The following TOLLIP variants were observed in gnomAD, a reference collection of about 807,000 sequenced individuals.
TOLLIP encodes the protein toll interacting protein.
Under a neutral mutation model 33.5 loss-of-function variants are expected in TOLLIP, and 16 were observed. That is an observed-to-expected ratio of 0.48 (90% confidence interval 0.32 to 0.72). The LOEUF is 0.72. Ranked by LOEUF, TOLLIP falls within the 30% of genes least tolerant of loss-of-function variation. The pLI, the probability that TOLLIP is intolerant of heterozygous loss-of-function variation, is 0.03. For missense variants in TOLLIP, 325 were observed against 396.6 expected, an observed-to-expected ratio of 0.82 and a Z score of 1.53; for synonymous variants, 176 against 163.7, an observed-to-expected ratio of 1.07 and a Z score of -0.57.
rs1192036130 is a variant in TOLLIP, at chr11:1,309,569, G to A, written c.-71C>T. 6.6e-6 allele frequency: 6 copies of A among 909,036 alleles called. No individual in the cohort carries two copies. Among genetic ancestry groups the A allele is most frequent in the African/African-American group, 5.3e-5 (3 of 56,568 alleles). The allele number at this position is 909,036 out of a possible 1,614,324, so 56.3% of individuals were successfully genotyped here. A position where few individuals can be genotyped will look rare whatever the true frequency, so the allele number is the denominator to read the frequency against. ...CCGGGCGACCTCCTGCGCCCCCGCC[G>A]GAGCCTGCGACGGAGACAGTTGTCA... On this transcript the variant is annotated 5_prime_UTR_variant, in exon 1 of 6. Transcript: ENST00000317204.
At chr11:1,302,825 CA>C in intron 1 of TOLLIP, 1 of 982,672 alleles carries the variant, frequency 1.0e-6, no homozygotes, top group Non-Finnish European at 1.2e-6. Flanking sequence ...CCAGTTCCCA[CA>C]TCCTCCTCCC....
chr11:1,281,841 T>C (rs1273104562), intron 5 of TOLLIP, among the ~76,000 whole-genome samples: 1 of 152,256 alleles, frequency 6.6e-6, no homozygotes, highest in Non-Finnish European at 1.5e-5. Flanking sequence ...GAGATTCCAC[T>C]TCTGAGAAGA....
Position 1,274,611 on chromosome 11 carries a change from T to C in TOLLIP, c.*2428A>G, listed in dbSNP as rs759537645. 1 of 152,210 alleles carries C rather than the reference T, an allele frequency of 6.6e-6. No individual in the cohort carries two copies. The highest frequency in any genetic ancestry group is 1.9e-4 in the East Asian group (1 of 5,182). 9.4% of individuals were successfully genotyped at this position (152,210 alleles called of 1,614,324 possible). A position where few individuals can be genotyped will look rare whatever the true frequency, so the allele number is the denominator to read the frequency against. Reference sequence around the variant, plus strand: ...GGGGAGCCTCCGGCGACCTGTCTTCTATCTCCGGAGCCCCGCCTGAGGCTC... The same window carrying C: ...GGGGAGCCTCCGGCGACCTGTCTTCCATCTCCGGAGCCCCGCCTGAGGCTC... On this transcript the variant is annotated 3_prime_UTR_variant, in exon 6 of 6. Transcript: ENST00000317204.
chr11:1,279,633 C>G (rs1021919970), intron 5 of TOLLIP, among the ~76,000 whole-genome samples: 2 of 152,256 alleles, frequency 1.3e-5, no homozygotes, highest in Non-Finnish European at 2.9e-5. Flanking sequence ...CACCTGCACG[C>G]ACGCGGACGG....
At chr11:1,296,448 C>T (rs2133918260) in intron 1 of TOLLIP, among the ~76,000 whole-genome samples, 1 of 152,378 alleles carries the variant, frequency 6.6e-6, no homozygotes, top group East Asian at 1.9e-4. Flanking sequence ...CCGAAACCAC[C>T]CGCACACCTG....
chr11:1,290,717 A>T lies in TOLLIP; in HGVS notation c.184-308T>A, dbSNP rs950995386. ...CCCACCATGAAGGGCGCACTCTCTA[A>T]TGCCCTCCTCAGAAGTGGCTGAGGA... On this transcript the variant is annotated intron_variant, in intron 2 of 5. Transcript: ENST00000317204. This position sits in a 1 kb window ranked among gnomAD's most constrained non-coding sequence, Gnocchi z 4.9. Among the ~76,000 whole-genome samples, 1 of 152,146 alleles carries T rather than the reference A, an allele frequency of 6.6e-6. No homozygotes were observed.
At chr11:1,285,924 C>G in intron 5 of TOLLIP, 78 bp downstream of exon 5, 1 of 1,188,754 alleles carries the variant, frequency 8.4e-7, no homozygotes, top group Non-Finnish European at 1.2e-6. Flanking sequence ...CTCTAAGCCC[C>G]GTTCCCTCCT....
chr11:1,290,209 C>G lies in TOLLIP; in HGVS notation c.366+18G>C. 2 of 1,608,720 alleles carry G rather than the reference C, an allele frequency of 1.2e-6. No individual in the cohort carries two copies. Among genetic ancestry groups the G allele is most frequent in the East Asian group, 2.2e-5 (1 of 44,756 alleles). ...CAGCCACGTGCAGCCTCCATAATAG[C>G]TGGCACGTCCCTCTCACCTCATCGA... On this transcript the variant is annotated intron_variant, in intron 3 of 5. Transcript: ENST00000317204. The surrounding 1 kb of genome is among the most constrained non-coding windows in gnomAD (Gnocchi z 4.9).
chr11:1,279,826 G>A (rs947377918), intron 5 of TOLLIP, among the ~76,000 whole-genome samples: 1 of 152,198 alleles, frequency 6.6e-6, no homozygotes, highest in Admixed American at 6.5e-5. Flanking sequence ...CACGCAGCAT[G>A]GTAAGTCCCG....
intron 5 of TOLLIP, among the ~76,000 whole-genome samples, chr11:1,285,501 A>G (rs890491013): frequency 2.0e-5 from 3 of 152,226 alleles, no homozygotes; most frequent in African/African-American, 7.2e-5. Flanking sequence ...CAGGCTGCTC[A>G]CTCCTAACAG....
intron 5 of TOLLIP, among the ~76,000 whole-genome samples, chr11:1,280,636 C>T (rs1255999400): frequency 6.6e-6 from 1 of 152,124 alleles, no homozygotes; most frequent in African/African-American, 2.4e-5. Flanking sequence ...CTCATGCACA[C>T]CCTGGTGCTG....
At chr11:1,286,459 A>G (rs1465437735) in intron 4 of TOLLIP, among the ~76,000 whole-genome samples, 1 of 152,228 alleles carries the variant, frequency 6.6e-6, no homozygotes, top group Non-Finnish European at 1.5e-5. Context: ...TCAACTTCAC[A>G]TAAGTCACTG....
intron 4 of TOLLIP, among the ~76,000 whole-genome samples, chr11:1,287,018 A>G (rs981771434): frequency 1.3e-5 from 2 of 152,010 alleles, no homozygotes; most frequent in African/African-American, 4.8e-5. Flanking sequence ...TCAGCTGCGG[A>G]TAAGTCACTG....
Position 1,277,773 on chromosome 11 carries a change from T to C in TOLLIP, c.611-520A>G, listed in dbSNP as rs748223536. 2.6e-5 allele frequency among the ~76,000 whole-genome samples: 4 copies of C among 152,174 alleles called. No homozygotes were observed. Among genetic ancestry groups the C allele is most frequent in the Non-Finnish European group, 5.9e-5 (4 of 68,036 alleles). On this transcript the variant is annotated intron_variant, in intron 5 of 5. Coordinates refer to ENST00000317204, the MANE Select transcript of TOLLIP (RefSeq NM_019009.4). This position sits in a 1 kb window ranked among gnomAD's most constrained non-coding sequence, Gnocchi z 4.2. ...TTTTGCAGCTTGGCAAGTGTGTCAC[T>C]AAACTGTGTGCCGGTGGGGAACAAT...
At position 1,308,189 on chromosome 11, in the gene TOLLIP, A is replaced by G. The variant is rs558008584; in HGVS notation, c.33+1277T>C. ...ATCTCACGCTGAATTATGATCCCCAATGTTGGAGGTGGGGCCTGGCAGGGT... is the reference window on the plus strand; with the variant it reads ...ATCTCACGCTGAATTATGATCCCCAGTGTTGGAGGTGGGGCCTGGCAGGGT... On this transcript the variant is annotated intron_variant, in intron 1 of 5. Transcript: ENST00000317204. 4.6e-5 allele frequency among the ~76,000 whole-genome samples: 7 copies of G among 152,264 alleles called. No individual in the cohort carries two copies. The South Asian group carries it at 1.0e-3, about 23-fold the overall frequency.
chr11:1,281,752 G>A (rs1339079408), intron 5 of TOLLIP, among the ~76,000 whole-genome samples: 3 of 152,238 alleles, frequency 2.0e-5, no homozygotes, highest in Admixed American at 1.3e-4. Flanking sequence ...CAGAGCACGC[G>A]GCACAGGCTT....
chr11:1,293,261 C>T (rs1590220586), intron 2 of TOLLIP, among the ~76,000 whole-genome samples: 2 of 152,216 alleles, frequency 1.3e-5, no homozygotes, highest in South Asian at 4.1e-4. Flanking sequence ...ACACGGAGTC[C>T]GGAGTGCCCA....
At chr11:1,298,489 T>C (rs1006519624) in intron 1 of TOLLIP, 2 of 152,248 alleles carry the variant, frequency 1.3e-5, no homozygotes, top group African/African-American at 4.8e-5. Flanking sequence ...GTCCCGGTAT[T>C]TGAAGGCGTC....
Position 1,309,499 on chromosome 11 carries a change from G to T in TOLLIP, c.-1C>A. ...GCTGAGTGCTGACGGTGGTCGCCAT[G>T]GTGCTGCGGCGGCCCCCGTGGCTCG... On this transcript the variant is annotated 5_prime_UTR_variant, in exon 1 of 6. Transcript: ENST00000317204. 7.6e-7 allele frequency: 1 copy of T among 1,312,410 alleles called. No individual in the cohort carries two copies. Among genetic ancestry groups the T allele is most frequent in the South Asian group, 1.9e-5 (1 of 52,950 alleles). 81.3% of individuals were successfully genotyped at this position (1,312,410 alleles called of 1,614,324 possible).
Sources: allele counts gnomAD v4.1 joint callset (sites outside exome capture counted in the v4.1 genomes callset), GRCh38; gene constraint gnomAD v4.1.1; non-coding constraint Gnocchi (gnomAD v3.1); transcripts MANE v1.5; gene names NCBI Gene and HGNC (gene_info 2026-07-23, HGNC 2026-07-21).